Variants in SUSD1 observed in about 807,000 individuals in gnomAD.
SUSD1 encodes sushi domain containing 1, also known as sushi domain-containing protein 1.
SUSD1 carries 65 observed loss-of-function variants against 86.9 expected under a neutral mutation model. The observed-to-expected ratio is 0.75, with a 90% CI of 0.61 to 0.92. The LOEUF (loss-of-function observed/expected upper bound fraction) is 0.92. Among genes scored for constraint, SUSD1 ranks in the 40% least tolerant of loss-of-function variants. The pLI is 0.00. For missense variants in SUSD1, 850 were observed against 929.7 expected (o/e 0.91, Z 1.11); for synonymous variants, 346 against 350.0 (o/e 0.99, Z 0.13).
intron 2 of SUSD1, 110 bp from the exon 3 acceptor site, chr9:112,149,509 A>C: frequency 8.3e-7 from 1 of 1,208,202 alleles, no homozygotes; most frequent in Non-Finnish European, 1.2e-6. Context: ...CTGTGACCAC[A>C]CCTTAGTGAT....
intron 7 of SUSD1, 127 bp downstream of exon 7, chr9:112,112,644 T>G (rs532579409): frequency 1.1e-5 from 7 of 632,410 alleles, no homozygotes; most frequent in African/African-American, 1.9e-5. Context: ...ACAAAAAAAA[T>G]AAAAGAAAAA....
chr9:112,127,342 C>T lies in SUSD1; in HGVS notation c.707-2906G>A, dbSNP rs144911282. Among the ~76,000 whole-genome samples, 441 of 152,298 alleles carry T rather than the reference C, an allele frequency of 2.9e-3. 7 individuals carry two copies. The highest frequency in any genetic ancestry group is 0.01 in the African/African-American group (420 of 41,558). ...GAGCTGAGATTGTGCTACTGCACTC[C>T]AGCCTGGCCAACAGAGTGAGACTCC... On this transcript the variant is annotated intron_variant, in intron 5 of 16. Coordinates refer to ENST00000374270, the MANE Select transcript of SUSD1 (RefSeq NM_022486.5).
At chr9:112,062,899 G>T in intron 13 of SUSD1, 38 bp downstream of exon 13, 1 of 1,367,460 alleles carries the variant, frequency 7.3e-7, no homozygotes, top group South Asian at 1.2e-5. Flanking sequence ...ACTCCATGGG[G>T]ATCACTGGGC....
intron 2 of SUSD1, among the ~76,000 whole-genome samples, chr9:112,155,893 G>C (rs1564347642): frequency 6.6e-6 from 1 of 150,834 alleles, no homozygotes; most frequent in Non-Finnish European, 1.5e-5. Flanking sequence ...AGGAGAGAGG[G>C]AGAAGGAGAA....
At chr9:112,094,978 C>G (rs1371987037) in intron 10 of SUSD1, among the ~76,000 whole-genome samples, 3 of 152,258 alleles carry the variant, frequency 2.0e-5, no homozygotes, top group African/African-American at 7.2e-5. Context: ...AGGACATCTG[C>G]CTGGGAAATA....
At chr9:112,070,938 C>T (rs1375562299) in intron 12 of SUSD1, among the ~76,000 whole-genome samples, 2 of 152,130 alleles carry the variant, frequency 1.3e-5, no homozygotes, top group African/African-American at 4.8e-5. Flanking sequence ...TCATATCAGA[C>T]ATCAAAATAA....
intron 6 of SUSD1, among the ~76,000 whole-genome samples, chr9:112,118,140 G>A (rs886727949): frequency 1.3e-5 from 2 of 152,194 alleles, no homozygotes; most frequent in Non-Finnish European, 2.9e-5. Context: ...GACCCAAACA[G>A]ATGGTCAAGC....
chr9:112,094,396 G>C (rs1379120933), intron 10 of SUSD1, among the ~76,000 whole-genome samples: 1 of 152,086 alleles, frequency 6.6e-6, no homozygotes, highest in Non-Finnish European at 1.5e-5. Flanking sequence ...CCACACCAAG[G>C]GCTTTTAAAT....
At chr9:112,053,941 C>A (rs1298148664) in intron 14 of SUSD1, among the ~76,000 whole-genome samples, 1 of 152,136 alleles carries the variant, frequency 6.6e-6, no homozygotes, top group Non-Finnish European at 1.5e-5. Flanking sequence ...TGATTTTAAA[C>A]AGAATTAAGT....
At chr9:112,088,616 G>C (rs1589636643) in intron 10 of SUSD1, among the ~76,000 whole-genome samples, 2 of 152,186 alleles carry the variant, frequency 1.3e-5, no homozygotes, top group South Asian at 4.1e-4. Context: ...GGGAGAACCT[G>C]TCTCCACTAA....
At position 112,112,869 on chromosome 9, in the gene SUSD1, C is replaced by A. The variant is rs1831163402; in HGVS notation, c.887-1G>T. 1 of 1,606,056 alleles carries A rather than the reference C, an allele frequency of 6.2e-7. No homozygotes were observed. The highest frequency in any genetic ancestry group is 2.2e-5 in the East Asian group (1 of 44,820). On this transcript the variant is annotated splice_acceptor_variant, in intron 6 of 16. Transcript: ENST00000374270. LOFTEE classifies it high-confidence loss of function. ...ACATCATTAATCTTTGTCAGAATTTCTAAAAGAGAAAAAGGCAGTCAACTC... is the reference window on the plus strand; with the variant it reads ...ACATCATTAATCTTTGTCAGAATTTATAAAAGAGAAAAAGGCAGTCAACTC...
At chr9:112,089,811 C>CAAAAAAA (rs3983407) in intron 10 of SUSD1, among the ~76,000 whole-genome samples, 6 of 115,952 alleles carry the variant, frequency 5.2e-5, no homozygotes, top group Admixed American at 8.7e-5. Flanking sequence ...GATTCCATCT[C>CAAAAAAA]AAAAAAAAAA....
chr9:112,099,565 T>C (rs1830540071), intron 9 of SUSD1, among the ~76,000 whole-genome samples: 1 of 152,182 alleles, frequency 6.6e-6, no homozygotes, highest in Non-Finnish European at 1.5e-5. Context: ...TGGAGTCATA[T>C]CACACACTGT....
intron 12 of SUSD1, among the ~76,000 whole-genome samples, chr9:112,076,506 C>T (rs899885465): frequency 1.3e-5 from 2 of 152,080 alleles, no homozygotes; most frequent in Admixed American, 1.3e-4. Context: ...TGGGTGGAAA[C>T]CGATTTGGGG....
chr9:112,079,604 C>CTT (rs34242117), intron 11 of SUSD1, among the ~76,000 whole-genome samples: 2 of 139,556 alleles, frequency 1.4e-5, no homozygotes, highest in Admixed American at 1.4e-4. Flanking sequence ...CTTCCCCCTC[C>CTT]TTTTTTTTTT....
chr9:112,102,073 T>C (rs1341789607), intron 9 of SUSD1, 103 bp downstream of exon 9: 3 of 592,140 alleles, frequency 5.1e-6, no homozygotes, highest in Non-Finnish European at 8.8e-6. Context: ...ACAAACTGTC[T>C]AGAAGTTCAT....
chr9:112,130,442 GA>G (rs941570129), intron 5 of SUSD1, among the ~76,000 whole-genome samples: 1 of 149,956 alleles, frequency 6.7e-6, no homozygotes, highest in Non-Finnish European at 1.5e-5. Context: ...GGAGAGGGGA[GA>G]AGGAAAGGAG....
rs776406432 is a variant in SUSD1, at chr9:112,111,744, C to T, written c.1081G>A (p.Ala361Thr). The T allele has an allele frequency of 1.9e-6, 3 of 1,614,022 alleles. No homozygotes were observed. The highest frequency in any genetic ancestry group is 1.6e-4 in the Middle Eastern group (1 of 6,084). Reference protein sequence around the residue: ...TDSRTPEVCLALYPGTNYTVN... With the variant: ...TDSRTPEVCLTLYPGTNYTVN... ...GTGTAGTTGGTGCCTGGGTACAGGG[C>T]TAGGCACACTTCTGGGGTCCTGCTG... Residue 361 changes from alanine (A) to threonine (T), a missense_variant, in exon 8 of 17, where the codon GCC becomes ACC. By Grantham distance (58) the Ala-to-Thr change is moderately conservative (BLOSUM62 0). Coordinates refer to ENST00000374270, the MANE Select transcript of SUSD1 (RefSeq NM_022486.5).
At chr9:112,134,524 C>T (rs1174844875) in intron 5 of SUSD1, among the ~76,000 whole-genome samples, 3 of 152,072 alleles carry the variant, frequency 2.0e-5, no homozygotes, top group African/African-American at 4.8e-5. Context: ...AAATACCACA[C>T]GTTCTCACAT....
Sources: allele counts gnomAD v4.1 joint callset (sites outside exome capture counted in the v4.1 genomes callset), GRCh38; gene constraint gnomAD v4.1.1; transcripts MANE v1.5; gene names NCBI Gene and HGNC (gene_info 2026-07-23, HGNC 2026-07-21).